WDR49: variants seen among roughly 807,000 people sequenced by gnomAD.
WDR49 encodes cilia- and flagella-associated protein 337.
Under a neutral mutation model 119.5 loss-of-function variants are expected in WDR49, and 107 were observed. That is an observed-to-expected ratio of 0.90 (90% CI 0.77 to 1.05). The LOEUF (loss-of-function observed/expected upper bound fraction) is 1.05. WDR49 is among the 50% of genes least tolerant of loss of function. The pLI is 0.00. For synonymous variants in WDR49, 425 were observed against 418.8 expected (o/e 1.01, Z -0.18); for missense variants, 1,240 against 1,220.5 (o/e 1.02, Z -0.24).
chr3:167,592,909 G>T (rs1044619596), intron 7 of WDR49, among the ~76,000 whole-genome samples: 1 of 152,114 alleles, frequency 6.6e-6, no homozygotes, highest in Non-Finnish European at 1.5e-5. Context: ...TTTTCCTTCA[G>T]AACTTTAAAT....
At chr3:167,511,886 C>T (rs1751990337) in intron 16 of WDR49, among the ~76,000 whole-genome samples, 1 of 152,206 alleles carries the variant, frequency 6.6e-6, no homozygotes, top group African/African-American at 2.4e-5. Context: ...TCCATCCCTC[C>T]TCTTTGGGTG....
intron 16 of WDR49, among the ~76,000 whole-genome samples, chr3:167,518,031 G>A (rs992647809): frequency 6.6e-6 from 1 of 152,030 alleles, no homozygotes; most frequent in Non-Finnish European, 1.5e-5. Context: ...ATGATTTCCA[G>A]TTTCATCCAT....
intron 7 of WDR49, 108 bp from the exon 8 acceptor site, chr3:167,576,259 C>G: frequency 1.2e-6 from 1 of 846,912 alleles, no homozygotes; most frequent in South Asian, 1.7e-5. Context: ...GTTGTTTCCT[C>G]CACAGTGCTA....
chr3:167,566,948 C>A, intron 8 of WDR49: 2 of 622,356 alleles, frequency 3.2e-6, no homozygotes, highest in Non-Finnish European at 5.8e-6. Context: ...TGACAGAGAC[C>A]AAAGAGGTGG....
chr3:167,550,210 G>GT (rs1170320877), intron 10 of WDR49, among the ~76,000 whole-genome samples: 1 of 152,206 alleles, frequency 6.6e-6, no homozygotes, highest in East Asian at 1.9e-4. Context: ...CTTTAAAGTA[G>GT]TTTTTTCCAA....
intron 16 of WDR49, among the ~76,000 whole-genome samples, chr3:167,506,465 A>C (rs947236578): frequency 2.0e-5 from 3 of 152,210 alleles, no homozygotes; most frequent in African/African-American, 7.2e-5. Context: ...TAAAATATCA[A>C]TACAAGTAAA....
intron 16 of WDR49, among the ~76,000 whole-genome samples, chr3:167,513,425 C>T (rs1336656221): frequency 1.3e-5 from 2 of 152,138 alleles, no homozygotes; most frequent in Non-Finnish European, 2.9e-5. Context: ...GAATTCATCA[C>T]CACTAGGCCT....
chr3:167,554,829 AC>A, intron 9 of WDR49, 31 bp from the exon 10 acceptor site: 2 of 1,509,528 alleles, frequency 1.3e-6, no homozygotes, highest in Non-Finnish European at 1.8e-6. Flanking sequence ...CCACTTTGAG[AC>A]AGGAAGGTAA....
At chr3:167,517,708 T>TTTTTTC (rs1553861989) in intron 16 of WDR49, among the ~76,000 whole-genome samples, 1 of 146,934 alleles carries the variant, frequency 6.8e-6, no homozygotes, top group African/African-American at 2.5e-5. Context: ...CTTTACTTTT[T>TTTTTTC]TTTTCTTTTC....
chr3:167,635,369 T>C (rs1012960303), intron 2 of WDR49, among the ~76,000 whole-genome samples: 1 of 151,732 alleles, frequency 6.6e-6, no homozygotes, highest in African/African-American at 2.4e-5. Flanking sequence ...GACTTATCGA[T>C]TGGTTGCTAA....
At chr3:167,505,921 T>C (rs1201689106) in intron 16 of WDR49, among the ~76,000 whole-genome samples, 1 of 152,184 alleles carries the variant, frequency 6.6e-6, no homozygotes, top group East Asian at 1.9e-4. Flanking sequence ...ACAGAAAGGA[T>C]TTTTATCAAT....
chr3:167,573,164 T>C (rs1714033494), intron 8 of WDR49, among the ~76,000 whole-genome samples: 2 of 152,132 alleles, frequency 1.3e-5, no homozygotes, highest in Admixed American at 6.5e-5. Context: ...ATTTCAGTCC[T>C]AACAAGGCAA....
intron 2 of WDR49, among the ~76,000 whole-genome samples, chr3:167,635,918 G>C (rs1717596772): frequency 6.6e-6 from 1 of 151,778 alleles, no homozygotes; most frequent in South Asian, 2.1e-4. Flanking sequence ...TTAAGTGTCT[G>C]TTCCATGCCA....
chr3:167,654,530 T>C (rs1559934647), upstream of WDR49, among the ~76,000 whole-genome samples: 1 of 152,220 alleles, frequency 6.6e-6, no homozygotes, highest in African/African-American at 2.4e-5. Context: ...TAAAACTTTA[T>C]GTTCATTGTC....
chr3:167,492,650 G>A (rs1577194659), intron 18 of WDR49, among the ~76,000 whole-genome samples: 1 of 152,188 alleles, frequency 6.6e-6, no homozygotes, highest in African/African-American at 2.4e-5. Flanking sequence ...CTAAGATGAA[G>A]CCTATTTTCA....
chr3:167,575,358 C>T (rs1019250374), intron 8 of WDR49: 2 of 926,832 alleles, frequency 2.2e-6, no homozygotes, highest in African/African-American at 3.6e-5. Flanking sequence ...TAGTGGTCCC[C>T]TAAGCCAAGG....
intron 8 of WDR49, among the ~76,000 whole-genome samples, chr3:167,563,857 C>G (rs1713427005): frequency 6.6e-6 from 1 of 152,174 alleles, no homozygotes; most frequent in South Asian, 2.1e-4. Flanking sequence ...TTCTTCTGAT[C>G]TAGCTGTACT....
Position 167,626,964 on chromosome 3 carries a change from G to C in WDR49, c.494C>G (p.Ala165Gly). The change falls in exon 3 of 19, where the codon GCA (alanine) becomes GGA (glycine). Residue 165 changes from alanine to glycine, a missense_variant. Ala to Gly is a moderately conservative substitution (Grantham distance 60). Transcript: ENST00000682715. ...YLTISKEGLLAIWGEHLKLQE... is the reference protein window; with the variant it reads ...YLTISKEGLLGIWGEHLKLQE... ...CAGCTTTAAATGCTCTCCCCAGATTGCCAATAAACCTTCTTTACTAATTGT... is the reference window on the plus strand; with the variant it reads ...CAGCTTTAAATGCTCTCCCCAGATTCCCAATAAACCTTCTTTACTAATTGT... 1 of 1,334,590 alleles carries C rather than the reference G, an allele frequency of 7.5e-7. No individual in the cohort carries two copies. The highest frequency in any genetic ancestry group is 9.6e-7 in the Non-Finnish European group (1 of 1,043,988). 82.7% of individuals were successfully genotyped at this position (1,334,590 alleles called of 1,614,324 possible).
At position 167,576,269 on chromosome 3, in the gene WDR49, A is replaced by G. The variant is rs1223109891; in HGVS notation, c.1276-118T>C. The G allele has an allele frequency of 1.8e-5, 14 of 774,574 alleles. No homozygotes were observed. The Admixed American group carries it at 2.1e-4, about 12-fold the overall frequency. The allele number at this position is 774,574 out of a possible 1,614,324, so 48.0% of individuals were successfully genotyped here. A position where few individuals can be genotyped will look rare whatever the true frequency, so the allele number is the denominator to read the frequency against. On this transcript the variant is annotated intron_variant, in intron 7 of 18. Transcript: ENST00000682715. ...AGACAGTTGTTTCCTCCACAGTGCT[A>G]TAATTGGTTCTCAATTCTGCCATAG...
Sources: gnomAD v4.1 joint callset for allele counts (sites outside exome capture counted in the v4.1 genomes callset) on GRCh38, gnomAD v4.1.1 for gene constraint, MANE v1.5 for transcripts, NCBI Gene and HGNC (gene_info 2026-07-23, HGNC 2026-07-21) for gene names.